The following STIM1 variants were observed in gnomAD, a reference collection of about 807,000 sequenced individuals.
STIM1 encodes stromal interaction molecule 1.
STIM1 carries 25 observed loss-of-function variants against 74.7 expected under a neutral mutation model. The ratio of observed to expected loss-of-function variants is 0.33; its 90% CI spans 0.24 to 0.47. The LOEUF (loss-of-function observed/expected upper bound fraction) is 0.47, where lower values mean the gene tolerates loss of function less well. STIM1 is among the 20% of genes least tolerant of loss of function. The probability of loss-of-function intolerance (pLI) is 1.00; values close to 1 mark genes in which losing one functional copy is unlikely to be tolerated. For synonymous variants in STIM1, 328 were observed against 348.8 expected (o/e 0.94, Z 0.66); for missense variants, 728 against 920.8 (o/e 0.79, Z 2.71).
intron 7 of STIM1, among the ~76,000 whole-genome samples, chr11:4,080,603 A>G (rs1256219905): frequency 1.3e-5 from 2 of 151,662 alleles, no homozygotes; most frequent in African/African-American, 4.8e-5. Flanking sequence ...AGTAGCTGGG[A>G]CCACAGGTGC....
At chr11:4,058,012 C>A (rs1286555580) in intron 4 of STIM1, among the ~76,000 whole-genome samples, 1 of 152,184 alleles carries the variant, frequency 6.6e-6, no homozygotes, top group Non-Finnish European at 1.5e-5. Flanking sequence ...TAGCTCCTTT[C>A]TCATTTCTTT....
Position 3,856,193 on chromosome 11 carries a change from G to T in STIM1, c.-78G>T. 1 of 1,592,422 alleles carries T rather than the reference G, an allele frequency of 6.3e-7. No individual in the cohort carries two copies. Among genetic ancestry groups the T allele is most frequent in the East Asian group, 2.2e-5 (1 of 44,654 alleles). On this transcript the variant is annotated 5_prime_UTR_variant, in exon 1 of 13. Transcript: ENST00000526596. Reference sequence around the variant, plus strand: ...GCATCTTGCCTGGAGACCGTCGGCTGCACTCCCGGGCTCCTGGCTTTGCCT... The same window carrying T: ...GCATCTTGCCTGGAGACCGTCGGCTTCACTCCCGGGCTCCTGGCTTTGCCT...
chr11:3,978,416 G>C lies in STIM1; in HGVS notation c.270+10734G>C, dbSNP rs113141602. Among the ~76,000 whole-genome samples the C allele has an allele frequency of 2.0e-5, 3 of 149,450 alleles. No individual in the cohort carries two copies. The East Asian group carries it at 6.2e-4, about 31-fold the overall frequency. Reference sequence around the variant, plus strand: ...GCCCGCCTCGGCCTCCCAAAGTGCTGGGATTACAGGTGTGAGCCACCACGC... The same window carrying C: ...GCCCGCCTCGGCCTCCCAAAGTGCTCGGATTACAGGTGTGAGCCACCACGC... On this transcript the variant is annotated intron_variant, in intron 2 of 12. Coordinates refer to ENST00000526596, the MANE Select transcript of STIM1 (RefSeq NM_001382567.1).
intron 4 of STIM1, chr11:4,058,881 A>T (rs1349132008): frequency 2.3e-5 from 24 of 1,059,092 alleles, no homozygotes; most frequent in Non-Finnish European, 2.5e-5. Flanking sequence ...TCCCAGAATC[A>T]CTGGGTCATA....
chr11:3,948,108 G>A (rs753135860), intron 1 of STIM1, among the ~76,000 whole-genome samples: 8 of 152,178 alleles, frequency 5.3e-5, no homozygotes, highest in Non-Finnish European at 7.3e-5. Flanking sequence ...GTTGGCCAGT[G>A]TAGGCTCAAT....
chr11:4,066,966 A>G (rs545835138), intron 5 of STIM1, among the ~76,000 whole-genome samples: 1 of 152,344 alleles, frequency 6.6e-6, no homozygotes, highest in African/African-American at 2.4e-5. Flanking sequence ...GGTGTGGGGT[A>G]CAGCCTAGGG....
Position 4,046,807 on chromosome 11 carries a change from G to C in STIM1, c.386-8719G>C, listed in dbSNP as rs568327993. On this transcript the variant is annotated intron_variant, in intron 3 of 12. Coordinates refer to ENST00000526596, the MANE Select transcript of STIM1 (RefSeq NM_001382567.1). The stretch of plus-strand genomic sequence containing the variant: ...TGGGACTACAGGCATGTGCCATTAG[G>C]CCTGGCTAATTTTTTTATTTTTCTT... Among the ~76,000 whole-genome samples the C allele has an allele frequency of 3.3e-5, 5 of 152,120 alleles. No individual in the cohort carries two copies. In the South Asian group the frequency reaches 8.3e-4, roughly 25 times the overall value.
In STIM1 at chr11:3,886,732, G is replaced by T. The variant is rs368167917; in HGVS notation, c.139+30323G>T. 8.0e-5 allele frequency among the ~76,000 whole-genome samples: 12 copies of T among 150,228 alleles called. No homozygotes were observed. The South Asian group carries it at 1.5e-3, about 18-fold the overall frequency. ...AAAAAGGTCTTATTTGGCCGGGTGC[G>T]GTGGCTCATGCCTGTAATTCCAGCA... is the stretch of plus-strand genomic sequence containing the variant. On this transcript the variant is annotated intron_variant, in intron 1 of 12. Transcript: ENST00000526596.
intron 1 of STIM1, among the ~76,000 whole-genome samples, chr11:3,906,324 A>G (rs2092465096): frequency 6.6e-6 from 1 of 152,218 alleles, no homozygotes; most frequent in African/African-American, 2.4e-5. Context: ...AGGTTACCTC[A>G]GGCGAGTCAT....
intron 5 of STIM1, among the ~76,000 whole-genome samples, chr11:4,060,926 A>G (rs1330938540): frequency 1.9e-4 from 29 of 152,138 alleles, no homozygotes; most frequent in Admixed American, 1.9e-3. Flanking sequence ...AAAGATGAGA[A>G]GTGGCCTTAT....
intron 2 of STIM1, chr11:3,973,083 C>T: frequency 2.3e-6 from 1 of 436,710 alleles, no homozygotes; most frequent in Non-Finnish European, 4.5e-6. Context: ...TTCCATAATC[C>T]TGCCTCCACT....
At chr11:3,889,236 A>T (rs1044738277) in intron 1 of STIM1, among the ~76,000 whole-genome samples, 1 of 151,374 alleles carries the variant, frequency 6.6e-6, no homozygotes, top group Non-Finnish European at 1.5e-5. Flanking sequence ...TTTGTTGTTT[A>T]ATAAATGTTG....
At chr11:3,934,217 ACT>A (rs1470046540) in intron 1 of STIM1, among the ~76,000 whole-genome samples, 2 of 129,640 alleles carry the variant, frequency 1.5e-5, no homozygotes, top group Non-Finnish European at 3.4e-5. Context: ...GCTTTTCAGC[ACT>A]CTTTTTTTTT....
chr11:4,019,897 T>C (rs1220909635), intron 2 of STIM1, among the ~76,000 whole-genome samples: 1 of 152,150 alleles, frequency 6.6e-6, no homozygotes, highest in Non-Finnish European at 1.5e-5. Flanking sequence ...CTTATAAACT[T>C]ACCCTCCCAA....
intron 3 of STIM1, among the ~76,000 whole-genome samples, chr11:4,031,689 T>G (rs1247953693): frequency 1.3e-5 from 2 of 152,244 alleles, no homozygotes; most frequent in Non-Finnish European, 2.9e-5. Flanking sequence ...TGGTAGAGTA[T>G]CTGTTAAATC....
At chr11:3,930,611 G>T (rs892272427) in intron 1 of STIM1, among the ~76,000 whole-genome samples, 1 of 152,174 alleles carries the variant, frequency 6.6e-6, no homozygotes, top group Non-Finnish European at 1.5e-5. Context: ...TCAGATAGTG[G>T]CTGTCCTGCA....
intron 2 of STIM1, among the ~76,000 whole-genome samples, chr11:4,008,290 A>G (rs1363715610): frequency 1.3e-5 from 2 of 152,166 alleles, no homozygotes; most frequent in Non-Finnish European, 2.9e-5. Flanking sequence ...AGTAGGCTAT[A>G]CACATCTAGC....
intron 2 of STIM1, among the ~76,000 whole-genome samples, chr11:4,001,333 A>G (rs1196143860): frequency 1.3e-5 from 2 of 151,926 alleles, no homozygotes; most frequent in African/African-American, 2.4e-5. Flanking sequence ...GGGCAGCCAG[A>G]GAGAAAGGTC....
chr11:4,012,237 G>T (rs1033782629), intron 2 of STIM1, among the ~76,000 whole-genome samples: 3 of 152,136 alleles, frequency 2.0e-5, no homozygotes, highest in African/African-American at 7.2e-5. Flanking sequence ...GAACTTTAAA[G>T]TAGTTTTTTC....
Sources: gnomAD v4.1 joint callset for allele counts (sites outside exome capture counted in the v4.1 genomes callset) on GRCh38, gnomAD v4.1.1 for gene constraint, MANE v1.5 for transcripts, NCBI Gene and HGNC (gene_info 2026-07-23, HGNC 2026-07-21) for gene names.